ADGRG6: variants seen among roughly 807,000 people sequenced by gnomAD.
ADGRG6 encodes the protein G-protein coupled receptor 126.
Under a neutral mutation model 142.4 loss-of-function variants are expected in ADGRG6, and 84 were observed. The ratio of observed to expected loss-of-function variants is 0.59; its 90% CI spans 0.49 to 0.71. The LOEUF (loss-of-function observed/expected upper bound fraction) is 0.71. Ranked by LOEUF, ADGRG6 falls within the 30% of genes least tolerant of loss-of-function variation. ADGRG6 has a pLI of 0.00. For missense variants in ADGRG6, 1,367 were observed against 1,466.6 expected (o/e 0.93, Z 1.11); for synonymous variants, 521 against 520.5 (o/e 1.00, Z -0.01).
At chr6:142,373,881 C>CTTTTTTTTTTTTTTTTTTTTT (rs769498618) in intron 4 of ADGRG6, among the ~76,000 whole-genome samples, 21 of 93,796 alleles carry the variant, frequency 2.2e-4, no homozygotes, top group East Asian at 5.9e-4. Flanking sequence ...TTTTTCTTTT[C>CTTTTTTTTTTTTTTTTTTTTT]TTTTTTTTTT....
intron 22 of ADGRG6, among the ~76,000 whole-genome samples, chr6:142,426,888 G>T (rs1776973103): frequency 6.6e-6 from 1 of 152,162 alleles, no homozygotes; most frequent in Admixed American, 6.5e-5. Context: ...GCTGTACCTT[G>T]GACTCTTAGT....
At chr6:142,432,753 C>T (rs1291034779) in intron 22 of ADGRG6, among the ~76,000 whole-genome samples, 2 of 152,162 alleles carry the variant, frequency 1.3e-5, no homozygotes, top group Non-Finnish European at 2.9e-5. Flanking sequence ...GCATTTGATT[C>T]TCAGAATAAT....
chr6:142,418,699 T>C (rs1331675704), intron 21 of ADGRG6, among the ~76,000 whole-genome samples: 1 of 152,170 alleles, frequency 6.6e-6, no homozygotes, highest in African/African-American at 2.4e-5. Flanking sequence ...CATGTTAGTT[T>C]CTAGAATTCA....
intron 8 of ADGRG6, 46 bp from the exon 9 acceptor site, chr6:142,393,850 G>A (rs1456017871): frequency 3.5e-6 from 4 of 1,129,932 alleles, no homozygotes; most frequent in Non-Finnish European, 5.2e-6. Flanking sequence ...TGTTGATGAT[G>A]TAGTTGGTGA....
chr6:142,320,221 A>G (rs945619048), intron 2 of ADGRG6, among the ~76,000 whole-genome samples: 4 of 152,100 alleles, frequency 2.6e-5, no homozygotes, highest in South Asian at 2.1e-4. Flanking sequence ...TTTAATTTTT[A>G]GTAATCTTAG....
chr6:142,441,014 G>A (rs963800676), intron 24 of ADGRG6: 5 of 772,480 alleles, frequency 6.5e-6, no homozygotes, highest in Non-Finnish European at 8.2e-6. Flanking sequence ...GAGAATATGT[G>A]CATGGATTAA....
At chr6:142,433,798 G>A (rs1777336498) in intron 22 of ADGRG6, among the ~76,000 whole-genome samples, 1 of 152,236 alleles carries the variant, frequency 6.6e-6, no homozygotes, top group Non-Finnish European at 1.5e-5. Context: ...GCTCATGCCT[G>A]TAATCCCAGT....
At chr6:142,381,452 A>C (rs7757571) in intron 4 of ADGRG6, among the ~76,000 whole-genome samples, 31,459 of 152,168 alleles carry the variant, frequency 0.21, 3,338 homozygotes, top group African/African-American at 0.25. Context: ...GCTGAGGATG[A>C]GTTAGTAAAA....
At chr6:142,376,553 A>G (rs939530422) in intron 4 of ADGRG6, among the ~76,000 whole-genome samples, 4 of 152,188 alleles carry the variant, frequency 2.6e-5, no homozygotes, top group Non-Finnish European at 5.9e-5. Context: ...ACCGTTTCAT[A>G]ATCATTACAG....
chr6:142,443,229 A>G, intron 24 of ADGRG6, 108 bp from the exon 25 acceptor site: 2 of 635,990 alleles, frequency 3.1e-6, no homozygotes, highest in Non-Finnish European at 5.4e-6. Flanking sequence ...TCGGAGCTTT[A>G]TTTTCTTTTG....
At chr6:142,363,570 T>C (rs78545009) in intron 2 of ADGRG6, among the ~76,000 whole-genome samples, 2,133 of 152,274 alleles carry the variant, frequency 0.014, 60 homozygotes, top group African/African-American at 0.048. Context: ...AAACCTTGCT[T>C]TTATAATTAT....
intron 24 of ADGRG6, among the ~76,000 whole-genome samples, chr6:142,440,287 AT>A (rs1258940273): frequency 1.3e-5 from 2 of 152,050 alleles, no homozygotes; most frequent in East Asian, 1.9e-4. Flanking sequence ...CTATTATTTT[AT>A]TTTATTTATT....
Position 142,400,600 on chromosome 6 carries a change from A to G in ADGRG6, c.1679+4A>G, listed in dbSNP as rs1775465091. On this transcript the variant is annotated splice_donor_region_variant and intron_variant, in intron 11 of 24. Transcript: ENST00000367609. The stretch of plus-strand genomic sequence containing the variant: ...GCTTTTCTGCTTCTCGGATATGGTA[A>G]TATTTTCACTGACTCTTGCCAGCAA... The G allele has an allele frequency of 1.4e-6, 2 of 1,407,512 alleles. No homozygotes were observed. The highest frequency in any genetic ancestry group is 2.0e-6 in the Non-Finnish European group (2 of 992,872). 87.2% of individuals were successfully genotyped at this position (1,407,512 alleles called of 1,614,324 possible).
rs758057647 is a variant in ADGRG6, at chr6:142,370,189, T to C, written c.465T>C (p.Asn155=). Residue 155 remains asparagine, a synonymous_variant, in exon 4 of 25, where the codon AAT becomes AAC. Transcript: ENST00000367609. ...SYIRVAVSLR[N]QKVILPQTSD... ...TCCTAGTTGCCGTGTCCTTAAGGAA[T>C]CAAAAGGTCATTTTACCCCAGACAT... 6.2e-7 allele frequency: 1 copy of C among 1,603,704 alleles called. No individual in the cohort carries two copies. The highest frequency in any genetic ancestry group is 1.1e-5 in the South Asian group (1 of 90,732).
chr6:142,352,665 A>G (rs1780246053), intron 2 of ADGRG6, among the ~76,000 whole-genome samples: 1 of 152,172 alleles, frequency 6.6e-6, no homozygotes, highest in Non-Finnish European at 1.5e-5. Context: ...ATAAGTACAT[A>G]TGTTGGATAT....
At position 142,302,322 on chromosome 6, in the gene ADGRG6, A is replaced by G. The variant is rs781570750; in HGVS notation, c.-8A>G. 4 of 1,612,940 alleles carry G rather than the reference A, an allele frequency of 2.5e-6. No individual in the cohort carries two copies. The Admixed American group carries it at 5.0e-5, about 20-fold the overall frequency. Reference sequence around the variant, plus strand: ...GGCCAAAGGGGACCTCGGCGCAGTAATGTCAACATGTAAGTCTCACCTTTC... The same window carrying G: ...GGCCAAAGGGGACCTCGGCGCAGTAGTGTCAACATGTAAGTCTCACCTTTC... On this transcript the variant is annotated 5_prime_UTR_variant, in exon 1 of 25. An upstream start codon of the reference 5' UTR is lost. Transcript: ENST00000367609.
intron 2 of ADGRG6, among the ~76,000 whole-genome samples, chr6:142,338,024 T>TG (rs1779418624): frequency 2.7e-5 from 1 of 37,586 alleles, no homozygotes; most frequent in Non-Finnish European, 6.5e-5. Context: ...TTTGTTTTTT[T>TG]TTTTTTTTTT....
rs890307626 is a variant in ADGRG6 at position 142,390,258 on chromosome 6, A to G, written c.1223A>G (p.Asp408Gly). The change falls in exon 7 of 25, where the codon GAT becomes GGT. Residue 408 changes from aspartate to glycine, a missense_variant and splice_region_variant. Physicochemically the swap from Asp to Gly is moderately conservative, Grantham distance 94. This residue lies in a region of ADGRG6 where 737 missense variants were observed against 746.5 expected (regional missense o/e 0.99). Coordinates refer to ENST00000367609, the MANE Select transcript of ADGRG6 (RefSeq NM_198569.3). Reference sequence around the variant, plus strand: ...GACTAATCCTATTTCCAATGGGCAGATGGAATTATCTATAGAATATCCGTA... The same window carrying G: ...GACTAATCCTATTTCCAATGGGCAGGTGGAATTATCTATAGAATATCCGTA... The part of the protein sequence containing the change: ...VTNRIDKQRN[D>G]GIIYRISVVI... The G allele has an allele frequency of 3.9e-6, 6 of 1,527,438 alleles. No homozygotes were observed. In the African/African-American group the frequency reaches 6.8e-5, roughly 17 times the overall value. The allele number at this position is 1,527,438 out of a possible 1,614,324, so 94.6% of individuals were successfully genotyped here. A position where few individuals can be genotyped will look rare whatever the true frequency, so the allele number is the denominator to read the frequency against.
chr6:142,313,456 A>T (rs545851422), intron 2 of ADGRG6, among the ~76,000 whole-genome samples: 15 of 152,226 alleles, frequency 9.9e-5, no homozygotes, highest in African/African-American at 3.4e-4. Context: ...TTCCACACAG[A>T]TCGTCTTAGT....
Sources: gnomAD v4.1 joint callset for allele counts (sites outside exome capture counted in the v4.1 genomes callset) on GRCh38, gnomAD v4.1.1 for gene constraint, gnomAD v4.1.1 regional missense constraint, MANE v1.5 for transcripts, NCBI Gene and HGNC (gene_info 2026-07-23, HGNC 2026-07-21) for gene names.